Variants in SEL1L3 observed in about 807,000 individuals in gnomAD.
SEL1L3 encodes protein sel-1 homolog 3.
SEL1L3 carries 76 observed loss-of-function variants against 142.8 expected under a neutral mutation model. The ratio of observed to expected loss-of-function variants is 0.53; its 90% confidence interval spans 0.44 to 0.64. The LOEUF (loss-of-function observed/expected upper bound fraction) is 0.64, where lower values mean the gene tolerates loss of function less well. SEL1L3 is among the 30% of genes least tolerant of loss of function. The pLI, the probability that SEL1L3 is intolerant of heterozygous loss-of-function variation, is 0.00. For missense variants in SEL1L3, 1,262 were observed against 1,381.7 expected (o/e 0.91, Z 1.37); for synonymous variants, 504 against 519.6 (o/e 0.97, Z 0.41).
intron 2 of SEL1L3, 72 bp downstream of exon 2, chr4:25,847,222 C>T (rs1307892120): frequency 8.6e-6 from 11 of 1,284,126 alleles, no homozygotes; most frequent in Non-Finnish European, 1.1e-5. Flanking sequence ...AGAATTTTCT[C>T]TTGCCATTCG....
chr4:25,806,044 T>TG (rs1439492596), intron 9 of SEL1L3, among the ~76,000 whole-genome samples: 78 of 149,946 alleles, frequency 5.2e-4, no homozygotes, highest in Non-Finnish European at 5.0e-4. Flanking sequence ...TTTGTTTGTT[T>TG]TTTTTTTTTT....
chr4:25,766,439 CAAAA>C (rs35486393), intron 19 of SEL1L3, among the ~76,000 whole-genome samples: 4 of 93,748 alleles, frequency 4.3e-5, no homozygotes, highest in South Asian at 7.1e-4. Flanking sequence ...GACTCCATCT[CAAAA>C]AAAAAAAAAA....
At chr4:25,835,994 G>A (rs756752428) in intron 2 of SEL1L3, among the ~76,000 whole-genome samples, 2 of 152,156 alleles carry the variant, frequency 1.3e-5, no homozygotes, top group Non-Finnish European at 2.9e-5. Context: ...ATAAGAGATG[G>A]AGCTGGGATT....
chr4:25,743,264 A>T (rs1455265238), downstream of SEL1L3, among the ~76,000 whole-genome samples: 1 of 152,214 alleles, frequency 6.6e-6, no homozygotes, highest in South Asian at 2.1e-4. Flanking sequence ...CAAAAAAATT[A>T]TATCTGTAGG....
At chr4:25,740,258 A>C in the SEL1L3 span, among the ~76,000 whole-genome samples, 1 of 148,072 alleles carries the variant, frequency 6.8e-6, no homozygotes, top group Admixed American at 6.7e-5. Context: ...ACATGGTGAA[A>C]CCTCATCTCT....
chr4:25,759,191 G>T, intron 20 of SEL1L3, 123 bp from the exon 21 acceptor site: 10 of 983,270 alleles, frequency 1.0e-5, no homozygotes, highest in African/African-American at 1.6e-5. Flanking sequence ...GAGCCAGATG[G>T]TTTTGTCATC....
intron 15 of SEL1L3, among the ~76,000 whole-genome samples, chr4:25,779,541 CATT>C (rs1719860265): frequency 1.3e-5 from 2 of 152,210 alleles, no homozygotes; most frequent in Non-Finnish European, 2.9e-5. Flanking sequence ...AAAATCCAGG[CATT>C]TGCTTTCCTA....
chr4:25,804,200 T>C (rs1713392808), intron 10 of SEL1L3, among the ~76,000 whole-genome samples: 1 of 152,216 alleles, frequency 6.6e-6, no homozygotes, highest in African/African-American at 2.4e-5. Flanking sequence ...TAAAAAGTGA[T>C]GTGGGATAAT....
At chr4:25,716,726 T>C in the SEL1L3 span, among the ~76,000 whole-genome samples, 1 of 152,204 alleles carries the variant, frequency 6.6e-6, no homozygotes, top group African/African-American at 2.4e-5. Context: ...GTTTAAAGAA[T>C]ATTACTTAAA....
chr4:25,802,156 C>T, intron 11 of SEL1L3, 127 bp downstream of exon 11: 3 of 770,684 alleles, frequency 3.9e-6, no homozygotes, highest in Non-Finnish European at 6.3e-6. Flanking sequence ...CGCAAGACAG[C>T]TCCTCTCTCC....
intron 19 of SEL1L3, among the ~76,000 whole-genome samples, chr4:25,766,668 A>G (rs533766147): frequency 1.3e-5 from 2 of 152,254 alleles, no homozygotes; most frequent in East Asian, 3.9e-4. Flanking sequence ...ATGTTACCAG[A>G]GACCCAGAGC....
chr4:25,799,996 G>T (rs189241259), intron 11 of SEL1L3, among the ~76,000 whole-genome samples: 167 of 152,292 alleles, frequency 1.1e-3, no homozygotes, highest in African/African-American at 3.9e-3. Flanking sequence ...TAATTAAGCT[G>T]CAGAAACAAA....
chr4:25,819,537 C>T lies in SEL1L3; in HGVS notation c.1423+271G>A, dbSNP rs945419012. The stretch of plus-strand genomic sequence containing the variant: ...ACGCCATGCGAAGGCACAAAACACT[C>T]GCTTTCATTTGTACTTGTAAACTAG... On this transcript the variant is annotated intron_variant, in intron 8 of 23. Transcript: ENST00000399878. 3.3e-5 allele frequency among the ~76,000 whole-genome samples: 5 copies of T among 152,316 alleles called. No homozygotes were observed. The East Asian group carries it at 5.8e-4, about 18-fold the overall frequency.
intron 20 of SEL1L3, 170 bp from the exon 21 acceptor site, chr4:25,759,238 G>C (rs1560278997): frequency 1.6e-6 from 1 of 644,428 alleles, no homozygotes; most frequent in Non-Finnish European, 2.6e-6. Context: ...ATATGCATCT[G>C]AGAAATTTAT....
At chr4:25,779,968 T>G (rs1048742559) in intron 15 of SEL1L3, among the ~76,000 whole-genome samples, 1 of 152,176 alleles carries the variant, frequency 6.6e-6, no homozygotes, top group Non-Finnish European at 1.5e-5. Context: ...GAAGGGTTGT[T>G]GTAAGGATTA....
intron 20 of SEL1L3, among the ~76,000 whole-genome samples, chr4:25,760,954 GA>G (rs1718334535): frequency 1.3e-5 from 2 of 152,290 alleles, no homozygotes; most frequent in South Asian, 4.2e-4. Context: ...TACACAGCTG[GA>G]AAGTGGCAGA....
At chr4:25,855,654 G>C (rs1181343067) in intron 1 of SEL1L3, among the ~76,000 whole-genome samples, 4 of 152,256 alleles carry the variant, frequency 2.6e-5, no homozygotes, top group Admixed American at 2.0e-4. Context: ...CCAGCTACCT[G>C]GGAGGCTAAA....
At chr4:25,748,615 A>G (rs1332068819) in intron 23 of SEL1L3, 51 bp from the exon 24 acceptor site, 1 of 1,567,042 alleles carries the variant, frequency 6.4e-7, no homozygotes, top group African/African-American at 1.3e-5. Context: ...CAGTGCATTC[A>G]GAATGTACAA....
intron 9 of SEL1L3, among the ~76,000 whole-genome samples, chr4:25,809,444 CTATTT>C (rs935471480): frequency 4.3e-4 from 66 of 152,104 alleles, no homozygotes; most frequent in African/African-American, 1.4e-3. Flanking sequence ...GGCGCCCAGC[CTATTT>C]TATTTTATTT....
Sources: allele counts gnomAD v4.1 joint callset (sites outside exome capture counted in the v4.1 genomes callset), GRCh38; gene constraint gnomAD v4.1.1; transcripts MANE v1.5; gene names NCBI Gene and HGNC (gene_info 2026-07-23, HGNC 2026-07-21).